Variants in DEFB110 observed in about 807,000 individuals in gnomAD.
DEFB110 encodes defensin beta 110.
Under a neutral mutation model 2.5 loss-of-function variants are expected in DEFB110, and 4 were observed. That is an observed-to-expected ratio of 1.60 (90% CI 0.79 to 3.66). The LOEUF (loss-of-function observed/expected upper bound fraction) is 3.66, where lower values mean the gene tolerates loss of function less well. Among genes scored for constraint, DEFB110 ranks in the 30% most tolerant of loss-of-function variants. The pLI is 0.01. For missense variants in DEFB110, 94 were observed against 75.4 expected (o/e 1.25, Z -0.91); for synonymous variants, 29 against 21.8 (o/e 1.33, Z -0.92).
At chr6:50,021,839 CA>C in intron 1 of DEFB110, 41 bp downstream of exon 1, 1 of 1,513,996 alleles carries the variant, frequency 6.6e-7, no homozygotes, top group Non-Finnish European at 8.9e-7. Context: ...TATGTCTTCT[CA>C]AATTTGTTAG....
At position 50,009,855 on chromosome 6, in the gene DEFB110, A is replaced by G. The variant is rs184077823; in HGVS notation, c.56-584T>C. 6.4e-4 allele frequency among the ~76,000 whole-genome samples: 97 copies of G among 152,240 alleles called. 1 individual carries two copies. The highest frequency in any genetic ancestry group is 2.2e-3 in the African/African-American group (91 of 41,584). ...TATCTAGCAAAAAGTGGAGCCTCAC[A>G]TTAGTATTCTATTATAGTTTCTTGT... is the stretch of plus-strand genomic sequence containing the variant. On this transcript the variant is annotated intron_variant, in intron 1 of 1. Transcript: ENST00000393660.
downstream of DEFB110, among the ~76,000 whole-genome samples, chr6:50,016,666 G>C (rs946311560): frequency 6.6e-6 from 1 of 151,456 alleles, no homozygotes. Flanking sequence ...TCATCAAAAG[G>C]GTTTCTAGAG....
In DEFB110 at chr6:50,018,855, C is replaced by T. The variant is rs1774363675; in HGVS notation, c.*122G>A. On this transcript the variant is annotated 3_prime_UTR_variant, in exon 2 of 2. Transcript: ENST00000371148. ...ATATGATCACTTCTGAATGGTTCAA[C>T]ATTAATTTTTATTTAGTTCTTGTGT... 2.1e-6 allele frequency: 3 copies of T among 1,434,804 alleles called. No homozygotes were observed. The highest frequency in any genetic ancestry group is 2.9e-5 in the Admixed American group (1 of 34,070). The allele number at this position is 1,434,804 out of a possible 1,614,324, so 88.9% of individuals were successfully genotyped here. A position where few individuals can be genotyped will look rare whatever the true frequency, so the allele number is the denominator to read the frequency against.
At chr6:50,014,600 G>A (rs1019604770), downstream of DEFB110, among the ~76,000 whole-genome samples, 2 of 151,740 alleles carry the variant, frequency 1.3e-5, no homozygotes, top group African/African-American at 4.8e-5. Flanking sequence ...GCTGGAAATA[G>A]GACAGTTGTG....
At chr6:50,012,582 A>AT (rs1365480065) in intron 1 of DEFB110, among the ~76,000 whole-genome samples, 2 of 151,976 alleles carry the variant, frequency 1.3e-5, no homozygotes, top group African/African-American at 4.8e-5. Context: ...TGGCAATCAA[A>AT]TGAGGTAATA....
rs75612582 is a variant in DEFB110 at position 50,020,193 on chromosome 6, A to C, written c.56-1068T>G. Among the ~76,000 whole-genome samples the C allele has an allele frequency of 8.8e-3, 1,341 of 152,244 alleles. 15 individuals carry two copies. Among genetic ancestry groups the C allele is most frequent in the African/African-American group, 0.028 (1,149 of 41,542 alleles). Reference sequence around the variant, plus strand: ...GACACAATACAAAAATAACTTTGTAATAGTCAAAGCTGTAAGAAAAGATAT... The same window carrying C: ...GACACAATACAAAAATAACTTTGTACTAGTCAAAGCTGTAAGAAAAGATAT... On this transcript the variant is annotated intron_variant, in intron 1 of 1. Coordinates refer to ENST00000371148, the MANE Select transcript of DEFB110 (RefSeq NM_001037497.2).
rs773799148 is a variant in DEFB110 at position 50,018,954 on chromosome 6, G to T, written c.*23C>A. On this transcript the variant is annotated 3_prime_UTR_variant, in exon 2 of 2. Coordinates refer to ENST00000371148, the MANE Select transcript of DEFB110 (RefSeq NM_001037497.2). ...ACGCTGGTCTCTCTTCTTGGAGCTTGTGACTCTTTTCTTCTGTCATCGTTA... is the reference window on the plus strand; with the variant it reads ...ACGCTGGTCTCTCTTCTTGGAGCTTTTGACTCTTTTCTTCTGTCATCGTTA... 6.2e-7 allele frequency: 1 copy of T among 1,600,782 alleles called. No individual in the cohort carries two copies.
chr6:50,019,173 A>T lies in DEFB110; in HGVS notation c.56-48T>A, dbSNP rs766222897. ...AAAATTAGCCATCTAGCTATGACAC[A>T]TCCATGTTTTAAAAGGAGAAAGTCC... On this transcript the variant is annotated intron_variant, in intron 1 of 1. Transcript: ENST00000371148. 5.6e-5 allele frequency: 87 copies of T among 1,567,464 alleles called. 1 individual carries two copies. In the Admixed American group the frequency reaches 8.1e-4, roughly 15 times the overall value.
downstream of DEFB110, among the ~76,000 whole-genome samples, chr6:50,014,109 T>C (rs956522978): frequency 5.3e-5 from 8 of 151,866 alleles, no homozygotes; most frequent in Admixed American, 2.6e-4. Context: ...TTGGAGGCCA[T>C]TGACATTTAG....
At chr6:50,016,461 T>C (rs1282249207), downstream of DEFB110, among the ~76,000 whole-genome samples, 1 of 151,892 alleles carries the variant, frequency 6.6e-6, no homozygotes, top group Non-Finnish European at 1.5e-5. Flanking sequence ...TAGTTTAACA[T>C]TATCTAGTTC....
In DEFB110 at chr6:50,018,882, T is replaced by C; in HGVS notation, c.*95A>G. Reference sequence around the variant, plus strand: ...TTAATTTTTATTTAGTTCTTGTGTATTATAGAGACACACACGCCTTGAAGG... The same window carrying C: ...TTAATTTTTATTTAGTTCTTGTGTACTATAGAGACACACACGCCTTGAAGG... On this transcript the variant is annotated 3_prime_UTR_variant, in exon 2 of 2. Coordinates refer to ENST00000371148, the MANE Select transcript of DEFB110 (RefSeq NM_001037497.2). 2 of 1,476,534 alleles carry C rather than the reference T, an allele frequency of 1.4e-6. No individual in the cohort carries two copies. Among genetic ancestry groups the C allele is most frequent in the Non-Finnish European group, 1.8e-6 (2 of 1,120,160 alleles). 91.5% of individuals were successfully genotyped at this position (1,476,534 alleles called of 1,614,324 possible).
chr6:50,019,651 A>T (rs1484394460), intron 1 of DEFB110, among the ~76,000 whole-genome samples: 1 of 152,082 alleles, frequency 6.6e-6, no homozygotes, highest in African/African-American at 2.4e-5. Context: ...CATCTAACTC[A>T]GACATGTGTC....
downstream of DEFB110, among the ~76,000 whole-genome samples, chr6:50,017,841 G>C (rs954306615): frequency 2.6e-5 from 4 of 151,754 alleles, no homozygotes; most frequent in African/African-American, 9.7e-5. Flanking sequence ...AGAGTAGGAA[G>C]CCCCTGGAAT....
chr6:50,009,331 C>T, intron 1 of DEFB110: 4 of 1,505,210 alleles, frequency 2.7e-6, no homozygotes, highest in South Asian at 1.3e-5. Context: ...GGTTTTCTTG[C>T]TAAAGAAAGA....
At chr6:50,020,220 T>G (rs1324528) in intron 1 of DEFB110, among the ~76,000 whole-genome samples, 33,759 of 149,014 alleles carry the variant, frequency 0.23, 4,519 homozygotes, top group East Asian at 0.35. Context: ...AAAAGATATG[T>G]TTTTTTTTTA....
downstream of DEFB110, among the ~76,000 whole-genome samples, chr6:50,014,978 C>G (rs1774292464): frequency 6.6e-6 from 1 of 151,848 alleles, no homozygotes; most frequent in Non-Finnish European, 1.5e-5. Context: ...CTTGCTAAAT[C>G]TATTTGATAT....
At chr6:50,015,922 A>G (rs1212277571), downstream of DEFB110, among the ~76,000 whole-genome samples, 2 of 151,804 alleles carry the variant, frequency 1.3e-5, no homozygotes, top group Admixed American at 6.6e-5. Context: ...TGCTTTATTC[A>G]TTTGTGAACT....
At chr6:50,020,019 A>G (rs760906898) in intron 1 of DEFB110, among the ~76,000 whole-genome samples, 2 of 152,166 alleles carry the variant, frequency 1.3e-5, no homozygotes, top group Non-Finnish European at 2.9e-5. Context: ...TATTTCTAGA[A>G]AAAGTGTGTT....
downstream of DEFB110, among the ~76,000 whole-genome samples, chr6:50,015,267 T>C (rs1774297862): frequency 1.3e-5 from 2 of 151,844 alleles, no homozygotes; most frequent in Non-Finnish European, 1.5e-5. Context: ...CTATATTATT[T>C]ACTACTTATA....
Sources: allele counts gnomAD v4.1 joint callset (sites outside exome capture counted in the v4.1 genomes callset), GRCh38; gene constraint gnomAD v4.1.1; transcripts MANE v1.5; gene names NCBI Gene and HGNC (gene_info 2026-07-23, HGNC 2026-07-21).